Variants in AK5 observed in about 807,000 individuals in gnomAD.
AK5 encodes adenylate kinase isoenzyme 5.
AK5 carries 27 observed loss-of-function variants against 69.5 expected under a neutral mutation model. The observed-to-expected ratio is 0.39, with a 90% confidence interval of 0.29 to 0.54. The LOEUF is 0.54. AK5 is among the 20% of genes least tolerant of loss of function. AK5 has a pLI of 0.71. For missense variants in AK5, 531 were observed against 700.4 expected, an observed-to-expected ratio of 0.76 and a Z score of 2.73; for synonymous variants, 260 against 244.4, an observed-to-expected ratio of 1.06 and a Z score of -0.60.
Position 77,297,797 on chromosome 1 carries a change from T to C in AK5, c.586-37T>C, listed in dbSNP as rs760787124. 5 of 1,606,544 alleles carry C rather than the reference T, an allele frequency of 3.1e-6. No individual in the cohort carries two copies. The Admixed American group carries it at 8.5e-5, about 27-fold the overall frequency. ...ACCGATTGAGTATACTAAGTTTAAC[T>C]GTGGGGTTTTTTTGTCATCCTTTCT... On this transcript the variant is annotated intron_variant, in intron 4 of 13. Transcript: ENST00000354567.
chr1:77,400,368 G>A (rs1172589730), intron 6 of AK5, among the ~76,000 whole-genome samples: 1 of 152,068 alleles, frequency 6.6e-6, no homozygotes, highest in African/African-American at 2.4e-5. Context: ...TTAAAATGGA[G>A]ATAATGTTTT....
chr1:77,403,703 TG>T (rs1649409346), intron 6 of AK5, among the ~76,000 whole-genome samples: 1 of 152,228 alleles, frequency 6.6e-6, no homozygotes, highest in African/African-American at 2.4e-5. Context: ...ACTGTAGCCT[TG>T]TAGTATAGTT....
chr1:77,398,535 A>G (rs372093103), intron 6 of AK5, among the ~76,000 whole-genome samples: 60 of 107,998 alleles, frequency 5.6e-4, no homozygotes, highest in African/African-American at 2.0e-3. Context: ...GAAAATAGAA[A>G]GGGGAAAAGG....
At position 77,323,521 on chromosome 1, in the gene AK5, A is replaced by G. The variant is rs148452373; in HGVS notation, c.700-16856A>G. Among the ~76,000 whole-genome samples, 828 of 152,318 alleles carry G rather than the reference A, an allele frequency of 5.4e-3. 5 individuals carry two copies. Among genetic ancestry groups the G allele is most frequent in the African/African-American group, 0.019 (796 of 41,564 alleles). ...TCTGAAAAGTTTTAGGAATTCTTTA[A>G]TATTATTTTTGTACATATAAACACT... On this transcript the variant is annotated intron_variant, in intron 5 of 13. Transcript: ENST00000354567.
chr1:77,496,700 G>A (rs1261938807), intron 10 of AK5, among the ~76,000 whole-genome samples: 1 of 152,162 alleles, frequency 6.6e-6, no homozygotes, highest in Non-Finnish European at 1.5e-5. Flanking sequence ...TTCTGGGTTG[G>A]GTGGGGACTT....
intron 8 of AK5, among the ~76,000 whole-genome samples, chr1:77,426,414 A>G (rs1471157187): frequency 2.0e-5 from 3 of 152,234 alleles, no homozygotes; most frequent in African/African-American, 7.2e-5. Context: ...AAAGAGGTTA[A>G]TTCTCCAAGA....
intron 6 of AK5, among the ~76,000 whole-genome samples, chr1:77,347,198 C>T (rs749376318): frequency 2.0e-5 from 3 of 152,246 alleles, no homozygotes; most frequent in Middle Eastern, 3.4e-3. Flanking sequence ...ATATATGGTC[C>T]CCTAAATTGC....
At chr1:77,511,386 G>A (rs1187354182) in intron 10 of AK5, among the ~76,000 whole-genome samples, 2 of 152,188 alleles carry the variant, frequency 1.3e-5, no homozygotes, top group Non-Finnish European at 2.9e-5. Flanking sequence ...AAGCTAAATG[G>A]CATAAAGTTT....
At chr1:77,387,125 G>A (rs1457141193) in intron 6 of AK5, among the ~76,000 whole-genome samples, 2 of 152,242 alleles carry the variant, frequency 1.3e-5, no homozygotes, top group South Asian at 2.1e-4. Flanking sequence ...TCATTTCTTA[G>A]CTATGGTGAA....
intron 13 of AK5, among the ~76,000 whole-genome samples, chr1:77,554,750 C>G (rs997961097): frequency 2.0e-5 from 3 of 150,706 alleles, no homozygotes; most frequent in African/African-American, 4.9e-5. Flanking sequence ...GGACTACAGG[C>G]GCCCGCCACC....
chr1:77,518,815 T>A, intron 11 of AK5, 88 bp downstream of exon 11: 3 of 1,331,262 alleles, frequency 2.3e-6, no homozygotes, highest in East Asian at 2.3e-5. Context: ...CTGCTGGAAC[T>A]AAGAAACCCA....
At chr1:77,425,041 A>G (rs913705844) in intron 8 of AK5, among the ~76,000 whole-genome samples, 1 of 152,226 alleles carries the variant, frequency 6.6e-6, no homozygotes, top group African/African-American at 2.4e-5. Flanking sequence ...CCTTACCTGT[A>G]GTAGAGCGAA....
At chr1:77,544,597 G>A (rs185829053) in intron 13 of AK5, among the ~76,000 whole-genome samples, 19 of 148,802 alleles carry the variant, frequency 1.3e-4, no homozygotes, top group African/African-American at 2.5e-4. Flanking sequence ...ACACACATTC[G>A]CCTAGGCCTG....
chr1:77,411,046 A>G lies in AK5; in HGVS notation c.957A>G (p.Leu319=). 1 of 1,613,790 alleles carries G rather than the reference A, an allele frequency of 6.2e-7. No homozygotes were observed. Among genetic ancestry groups the G allele is most frequent in the Non-Finnish European group, 8.5e-7 (1 of 1,179,886 alleles). The stretch of plus-strand genomic sequence containing the variant: ...TCAGCATGGCAGTTGACAACAAGTT[A>G]TTTCCAAACAAAGAGGCTGCAGCAG... ...YDISMAVDNK[L]FPNKEAAAGS... is the part of the protein sequence containing the mutation. The change falls in exon 7 of 14, where the codon TTA becomes TTG. Residue 319 remains leucine, a synonymous_variant. Coordinates refer to ENST00000354567, the MANE Select transcript of AK5 (RefSeq NM_174858.3).
chr1:77,306,318 C>T (rs1488547502), intron 5 of AK5, among the ~76,000 whole-genome samples: 1 of 152,032 alleles, frequency 6.6e-6, no homozygotes, highest in Admixed American at 6.6e-5. Context: ...AAATGCTTTT[C>T]AGCATCAATT....
At chr1:77,309,602 C>T (rs1265972024) in intron 5 of AK5, among the ~76,000 whole-genome samples, 1 of 152,182 alleles carries the variant, frequency 6.6e-6, no homozygotes, top group East Asian at 1.9e-4. Flanking sequence ...AGTGAACTTT[C>T]ATGTTGCTTT....
intron 5 of AK5, among the ~76,000 whole-genome samples, chr1:77,321,214 A>G (rs1435575006): frequency 6.6e-6 from 1 of 152,100 alleles, no homozygotes; most frequent in Non-Finnish European, 1.5e-5. Flanking sequence ...GCTCACTCCT[A>G]TAATCCCAGC....
chr1:77,346,429 T>C (rs1661918847), intron 6 of AK5, among the ~76,000 whole-genome samples: 1 of 152,218 alleles, frequency 6.6e-6, no homozygotes. Context: ...CATTGGTTAA[T>C]TATCACCAAC....
chr1:77,550,082 C>T (rs1348754778), intron 13 of AK5, among the ~76,000 whole-genome samples: 1 of 152,128 alleles, frequency 6.6e-6, no homozygotes, highest in African/African-American at 2.4e-5. Context: ...ACCTCAGCCT[C>T]TCCAGTAGCT....
Sources: gnomAD v4.1 joint callset for allele counts (sites outside exome capture counted in the v4.1 genomes callset) on GRCh38, gnomAD v4.1.1 for gene constraint, MANE v1.5 for transcripts, NCBI Gene and HGNC (gene_info 2026-07-23, HGNC 2026-07-21) for gene names.